ZDHHC7: variants seen among roughly 807,000 people sequenced by gnomAD.
ZDHHC7 encodes the protein palmitoyltransferase ZDHHC7.
In ZDHHC7, 12 loss-of-function variants were observed where a neutral mutation model predicts 34.1. That is an observed-to-expected ratio of 0.35 (90% CI 0.23 to 0.57). The LOEUF (loss-of-function observed/expected upper bound fraction) is 0.57. Ranked by LOEUF, ZDHHC7 falls within the 20% of genes least tolerant of loss-of-function variation. The pLI, the probability that ZDHHC7 is intolerant of heterozygous loss-of-function variation, is 0.84. For synonymous variants in ZDHHC7, 185 were observed against 155.4 expected, an observed-to-expected ratio of 1.19 and a Z score of -1.42; for missense variants, 388 against 402.7, an observed-to-expected ratio of 0.96 and a Z score of 0.31.
In ZDHHC7 at chr16:84,976,480, G is replaced by T. The variant is rs151087701; in HGVS notation, c.790C>A (p.Arg264=). The change falls in exon 8 of 8, where the codon CGG becomes AGG. Residue 264 remains arginine (R), a synonymous_variant. Transcript: ENST00000313732. ...RLKSEKPTWE[R]RLRWEGMKSV... ...TTCATCCCTTCCCATCGCAGCCTCC[G>T]CTCCCATGTGGGCTTCTCACTTTTC... 1.3e-4 allele frequency: 216 copies of T among 1,613,960 alleles called. 1 individual carries two copies. The African/African-American group carries it at 2.6e-3, about 19-fold the overall frequency.
chr16:85,016,399 G>GC (rs1412845787), upstream of ZDHHC7, among the ~76,000 whole-genome samples: 1 of 151,946 alleles, frequency 6.6e-6, no homozygotes, highest in Non-Finnish European at 1.5e-5. Context: ...TACTGGTATA[G>GC]CTTGCGTAAA....
intron 1 of ZDHHC7, among the ~76,000 whole-genome samples, chr16:84,996,785 T>G (rs1304813890): frequency 6.6e-6 from 1 of 151,914 alleles, no homozygotes; most frequent in Non-Finnish European, 1.5e-5. Context: ...TCCCAGCACT[T>G]TGGGAGGCTG....
In ZDHHC7 at chr16:85,004,721, G is replaced by T. The variant is rs140758804; in HGVS notation, c.-104+6565C>A. ...CCACAAACATTTCTTGAGTGAATAAGTAAGGGAAGGAGGGTGCTTGAGGGA... is the reference window on the plus strand; with the variant it reads ...CCACAAACATTTCTTGAGTGAATAATTAAGGGAAGGAGGGTGCTTGAGGGA... On this transcript the variant is annotated intron_variant, in intron 1 of 7. Transcript: ENST00000313732. Among the ~76,000 whole-genome samples the T allele has an allele frequency of 3.2e-3, 485 of 152,248 alleles. 1 individual carries two copies. Among genetic ancestry groups the T allele is most frequent in the African/African-American group, 0.011 (473 of 41,548 alleles).
chr16:84,988,961 G>C, intron 3 of ZDHHC7: 1 of 1,351,696 alleles, frequency 7.4e-7, no homozygotes, highest in Non-Finnish European at 1.0e-6. Context: ...TGGGCACTTT[G>C]GGCAACAAAC....
At chr16:84,990,223 G>T in intron 3 of ZDHHC7, 81 bp downstream of exon 3, 1 of 1,498,138 alleles carries the variant, frequency 6.7e-7, no homozygotes, top group Non-Finnish European at 9.1e-7. Flanking sequence ...CCTGTGCACT[G>T]CTTCCTCCAA....
intron 4 of ZDHHC7, among the ~76,000 whole-genome samples, chr16:84,980,396 G>A (rs1027283094): frequency 3.3e-4 from 50 of 151,984 alleles, no homozygotes; most frequent in African/African-American, 1.1e-3. Context: ...TAGGTCAGGC[G>A]AGGTGGCTCA....
chr16:85,008,135 A>G (rs1284163588), intron 1 of ZDHHC7, among the ~76,000 whole-genome samples: 1 of 152,000 alleles, frequency 6.6e-6, no homozygotes, highest in Non-Finnish European at 1.5e-5. Context: ...ACAAAAAACA[A>G]TTTAACCTTA....
At chr16:85,017,088 G>C in the ZDHHC7 span, among the ~76,000 whole-genome samples, 7 of 152,234 alleles carry the variant, frequency 4.6e-5, no homozygotes, top group East Asian at 1.9e-4. Flanking sequence ...TTACAGGCAT[G>C]AGCCACCGCA....
intron 1 of ZDHHC7, among the ~76,000 whole-genome samples, chr16:85,001,496 G>C (rs923607715): frequency 4.6e-5 from 5 of 107,810 alleles, no homozygotes; most frequent in African/African-American, 2.0e-4. Context: ...TAAGTAAATG[G>C]ATGGCAAGAG....
At chr16:85,016,629 T>TG in the ZDHHC7 span, among the ~76,000 whole-genome samples, 3 of 151,626 alleles carry the variant, frequency 2.0e-5, no homozygotes, top group East Asian at 5.8e-4. Context: ...TAATTTTTTT[T>TG]TTTTTTTAAA....
the ZDHHC7 span, among the ~76,000 whole-genome samples, chr16:85,017,204 G>A: frequency 5.3e-5 from 8 of 152,236 alleles, no homozygotes; most frequent in African/African-American, 1.9e-4. Context: ...CAACCCAATA[G>A]AATAATTGGC....
At chr16:84,977,782 C>T (rs1178545566) in intron 6 of ZDHHC7, 142 bp downstream of exon 6, 1 of 707,902 alleles carries the variant, frequency 1.4e-6, no homozygotes, top group Admixed American at 2.7e-5. Context: ...TAAAACTTAA[C>T]TAAATTCTTT....
At chr16:84,993,110 C>G (rs28419490) in intron 2 of ZDHHC7, among the ~76,000 whole-genome samples, 4,613 of 152,186 alleles carry the variant, frequency 0.03, 238 homozygotes, top group African/African-American at 0.1. Flanking sequence ...ATCATTTGAG[C>G]CCAGAAGTTT....
the ZDHHC7 span, among the ~76,000 whole-genome samples, chr16:85,024,033 TCA>T: frequency 1.3e-5 from 2 of 152,094 alleles, no homozygotes; most frequent in Non-Finnish European, 2.9e-5. Context: ...TTCTCCAGCC[TCA>T]GATTCCCAAG....
the ZDHHC7 span, among the ~76,000 whole-genome samples, chr16:85,023,567 T>A: frequency 0.013 from 1,952 of 152,308 alleles, 43 homozygotes; most frequent in African/African-American, 0.044. Flanking sequence ...CTAATGCATA[T>A]CACCTGCTAT....
At chr16:84,977,339 T>C (rs150775174) in intron 6 of ZDHHC7, 114 bp from the exon 7 acceptor site, 18 of 1,375,986 alleles carry the variant, frequency 1.3e-5, no homozygotes, top group African/African-American at 4.4e-5. Flanking sequence ...CAGGGGGAAG[T>C]TGTTCACTTT....
chr16:85,019,504 G>A, the ZDHHC7 span, among the ~76,000 whole-genome samples: 1 of 152,128 alleles, frequency 6.6e-6, no homozygotes, highest in African/African-American at 2.4e-5. Flanking sequence ...GATCACCTGA[G>A]GTCAGGAGTT....
chr16:85,017,489 G>T, the ZDHHC7 span, among the ~76,000 whole-genome samples: 1 of 152,148 alleles, frequency 6.6e-6, no homozygotes, highest in Admixed American at 6.5e-5. Flanking sequence ...CTCACCAAGA[G>T]ACTTCTACTA....
At chr16:85,008,467 T>G (rs1321597771) in intron 1 of ZDHHC7, among the ~76,000 whole-genome samples, 2 of 151,028 alleles carry the variant, frequency 1.3e-5, no homozygotes, top group Admixed American at 6.6e-5. Context: ...TTCCCTGGAC[T>G]CCACCCAAGG....
Sources: gnomAD v4.1 joint callset for allele counts (sites outside exome capture counted in the v4.1 genomes callset) on GRCh38, gnomAD v4.1.1 for gene constraint, MANE v1.5 for transcripts, NCBI Gene and HGNC (gene_info 2026-07-23, HGNC 2026-07-21) for gene names.